Variants in NEMF observed in about 807,000 individuals in gnomAD.
NEMF encodes ribosome quality control complex subunit NEMF.
NEMF carries 89 observed loss-of-function variants against 162.2 expected under a neutral mutation model. The observed-to-expected ratio is 0.55, with a 90% CI of 0.46 to 0.65. The LOEUF (loss-of-function observed/expected upper bound fraction) is 0.65, where lower values mean the gene tolerates loss of function less well. Among genes scored for constraint, NEMF ranks in the 30% least tolerant of loss-of-function variants. The pLI is 0.00. For missense variants in NEMF, 1,133 were observed against 1,261.9 expected (o/e 0.90, Z 1.55); for synonymous variants, 421 against 404.5 (o/e 1.04, Z -0.49).
intron 16 of NEMF, among the ~76,000 whole-genome samples, chr14:49,821,691 C>T (rs1373991080): frequency 9.6e-6 from 1 of 104,018 alleles, no homozygotes; most frequent in African/African-American, 3.8e-5. Flanking sequence ...AGGTGGGGGG[C>T]TCAGCCCCCC....
At chr14:49,788,558 C>CT (rs34178212) in intron 28 of NEMF, among the ~76,000 whole-genome samples, 24 of 44,558 alleles carry the variant, frequency 5.4e-4, no homozygotes, top group African/African-American at 1.6e-3. Flanking sequence ...TTCTCTCTCT[C>CT]TTTTTTTTTT....
intron 4 of NEMF, chr14:49,844,730 C>G (rs1187479826): frequency 4.4e-5 from 3 of 68,476 alleles, no homozygotes; most frequent in African/African-American, 3.6e-4. Flanking sequence ...CGCACGCGCA[C>G]GCGCGCGCAC....
At chr14:49,822,218 C>A (rs1892103206) in intron 16 of NEMF, among the ~76,000 whole-genome samples, 1 of 151,954 alleles carries the variant, frequency 6.6e-6, no homozygotes, top group South Asian at 2.1e-4. Flanking sequence ...GCCTGCTGAC[C>A]TTCCCTCCGC....
At position 49,852,471 on chromosome 14, in the gene NEMF, G is replaced by T. The variant is rs1034388720; in HGVS notation, c.59+224C>A. Among the ~76,000 whole-genome samples the T allele has an allele frequency of 3.3e-5, 5 of 152,274 alleles. No homozygotes were observed. In the East Asian group the frequency reaches 9.6e-4, roughly 29 times the overall value. ...CTTCGCGCTAGCGGGGCAAGCCAGAGAGCTGGGAGGACGCGGGGGATGGGG... is the reference window on the plus strand; with the variant it reads ...CTTCGCGCTAGCGGGGCAAGCCAGATAGCTGGGAGGACGCGGGGGATGGGG... On this transcript the variant is annotated intron_variant, in intron 1 of 32. Coordinates refer to ENST00000298310, the MANE Select transcript of NEMF (RefSeq NM_004713.6).
intron 19 of NEMF, among the ~76,000 whole-genome samples, chr14:49,805,273 C>T (rs1320481874): frequency 6.6e-6 from 1 of 151,998 alleles, no homozygotes; most frequent in Non-Finnish European, 1.5e-5. Flanking sequence ...GCTTTAGGAA[C>T]TTATAAAAGT....
In NEMF at chr14:49,833,497, C is replaced by T; in HGVS notation, c.662-1G>A. The T allele has an allele frequency of 6.4e-7, 1 of 1,560,906 alleles. No individual in the cohort carries two copies. On this transcript the variant is annotated splice_acceptor_variant, in intron 7 of 32. Coordinates refer to ENST00000298310, the MANE Select transcript of NEMF (RefSeq NM_004713.6). LOFTEE classifies it high-confidence loss of function. ...AGAGAAACAAGTACTTTTTCAATAT[C>T]TAATGGTGGGGGAAAAAAAGGAAAA...
intron 15 of NEMF, among the ~76,000 whole-genome samples, chr14:49,827,495 T>C (rs1341879674): frequency 2.0e-5 from 3 of 152,186 alleles, no homozygotes; most frequent in Non-Finnish European, 4.4e-5. Flanking sequence ...TCTTCACTTT[T>C]GATTCAAAAG....
chr14:49,786,775 A>G (rs1490674907), intron 28 of NEMF, 25 bp from the exon 29 acceptor site: 2 of 1,605,220 alleles, frequency 1.2e-6, no homozygotes, highest in Admixed American at 1.7e-5. Flanking sequence ...TAAAAATAAA[A>G]ATGTCAGCTA....
At position 49,814,130 on chromosome 14, in the gene NEMF, C is replaced by T. The variant is rs371066802; in HGVS notation, c.1682-80G>A. On this transcript the variant is annotated intron_variant, in intron 17 of 32. Transcript: ENST00000298310. Reference sequence around the variant, plus strand: ...CTTTTTTTTTTTTCAGATGGAGTCTCGCTCTGTCGCCCAGGCTGGAGTGCA... The same window carrying T: ...CTTTTTTTTTTTTCAGATGGAGTCTTGCTCTGTCGCCCAGGCTGGAGTGCA... 8.8e-4 allele frequency: 739 copies of T among 842,718 alleles called. 12 individuals are homozygous for T. In the South Asian group the frequency reaches 0.01, roughly 12 times the overall value. The allele number at this position is 842,718 out of a possible 1,614,324, so 52.2% of individuals were successfully genotyped here.
intron 16 of NEMF, among the ~76,000 whole-genome samples, chr14:49,815,062 A>T (rs1354347561): frequency 6.6e-6 from 1 of 152,136 alleles, no homozygotes; most frequent in African/African-American, 2.4e-5. Flanking sequence ...AAGAAATTAA[A>T]TTCTATGTTT....
intron 19 of NEMF, among the ~76,000 whole-genome samples, chr14:49,805,365 C>G (rs1891139138): frequency 6.6e-6 from 1 of 151,610 alleles, no homozygotes; most frequent in South Asian, 2.1e-4. Context: ...GAAGTATCAC[C>G]AAACTCAACA....
intron 26 of NEMF, among the ~76,000 whole-genome samples, chr14:49,792,842 A>T (rs1476775340): frequency 6.6e-6 from 1 of 152,130 alleles, no homozygotes; most frequent in African/African-American, 2.4e-5. Context: ...TTAGCCAGAC[A>T]TGGTGGCACA....
chr14:49,822,291 AAAAAT>A (rs199872701), intron 16 of NEMF, among the ~76,000 whole-genome samples: 21,849 of 149,592 alleles, frequency 0.15, 1,872 homozygotes, highest in Non-Finnish European at 0.2. Flanking sequence ...ATCAATAAAA[AAAAAT>A]AAAATAAAAT....
At chr14:49,802,950 T>C (rs552222126) in intron 20 of NEMF, among the ~76,000 whole-genome samples, 1 of 152,308 alleles carries the variant, frequency 6.6e-6, no homozygotes, top group Non-Finnish European at 1.5e-5. Context: ...TCTGGGTCAG[T>C]CAGACCCTGA....
At chr14:49,823,486 T>C (rs1892189551) in intron 16 of NEMF, among the ~76,000 whole-genome samples, 1 of 151,380 alleles carries the variant, frequency 6.6e-6, no homozygotes, top group South Asian at 2.1e-4. Flanking sequence ...AAAAACATGA[T>C]AGGAAGTAAT....
At chr14:49,808,301 T>C (rs1430920363) in intron 18 of NEMF, among the ~76,000 whole-genome samples, 1 of 152,106 alleles carries the variant, frequency 6.6e-6, no homozygotes, top group Non-Finnish European at 1.5e-5. Flanking sequence ...GCCTCCCAAG[T>C]AGCTTGGATT....
At chr14:49,802,790 AC>A (rs1188912067) in intron 20 of NEMF, 63 bp from the exon 21 acceptor site, 156 of 1,301,140 alleles carry the variant, frequency 1.2e-4, no homozygotes, top group Non-Finnish European at 1.6e-4. Context: ...TGCTTGTAAA[AC>A]AAAAAAAAAT....
At chr14:49,838,795 A>G (rs1034863051) in intron 5 of NEMF, among the ~76,000 whole-genome samples, 21 of 152,232 alleles carry the variant, frequency 1.4e-4, no homozygotes, top group South Asian at 4.2e-4. Flanking sequence ...CGTGTTAGCC[A>G]GGATGGTCTC....
chr14:49,791,150 AT>A (rs1312461801), intron 26 of NEMF, among the ~76,000 whole-genome samples: 1 of 151,510 alleles, frequency 6.6e-6, no homozygotes, highest in Non-Finnish European at 1.5e-5. Flanking sequence ...CCTGGCCAAC[AT>A]AAGTGAAACC....
Sources: allele counts gnomAD v4.1 joint callset (sites outside exome capture counted in the v4.1 genomes callset), GRCh38; gene constraint gnomAD v4.1.1; transcripts MANE v1.5; gene names NCBI Gene and HGNC (gene_info 2026-07-23, HGNC 2026-07-21).